The following AGBL4 variants were observed in gnomAD, a reference collection of about 807,000 sequenced individuals.
AGBL4 encodes AGBL carboxypeptidase 4.
A neutral mutation model predicts 66.4 loss-of-function variants in AGBL4; 58 were observed. The ratio of observed to expected loss-of-function variants is 0.87; its 90% confidence interval spans 0.71 to 1.09. The LOEUF (loss-of-function observed/expected upper bound fraction) is 1.09, where lower values mean the gene tolerates loss of function less well. AGBL4 is among the 50% of genes least tolerant of loss of function. The pLI, the probability that AGBL4 is intolerant of heterozygous loss-of-function variation, is 0.00. For missense variants in AGBL4, 579 were observed against 631.0 expected (o/e 0.92, Z 0.88); for synonymous variants, 234 against 222.9 (o/e 1.05, Z -0.44).
At chr1:49,561,112 T>C (rs116576970) in intron 3 of AGBL4, among the ~76,000 whole-genome samples, 54 of 152,092 alleles carry the variant, frequency 3.6e-4, no homozygotes, top group African/African-American at 1.2e-3. Flanking sequence ...AGCACAAAGA[T>C]TGAATGATGA....
intron 3 of AGBL4, among the ~76,000 whole-genome samples, chr1:49,255,110 T>C (rs1398302924): frequency 3.3e-5 from 5 of 152,064 alleles, no homozygotes; most frequent in Non-Finnish European, 7.4e-5. Context: ...CAGTCAAAGA[T>C]TTCATGACAA....
intron 1 of AGBL4, among the ~76,000 whole-genome samples, chr1:50,023,433 G>A (rs904711028): frequency 5.3e-5 from 8 of 152,204 alleles, no homozygotes; most frequent in Middle Eastern, 3.4e-3. Flanking sequence ...CCATGACACA[G>A]CCTAGCCCTA....
chr1:49,562,542 C>T (rs550957699), intron 3 of AGBL4, among the ~76,000 whole-genome samples: 2 of 152,200 alleles, frequency 1.3e-5, no homozygotes, highest in African/African-American at 4.8e-5. Flanking sequence ...GCCAGTTTTC[C>T]CAGCACCATT....
intron 3 of AGBL4, among the ~76,000 whole-genome samples, chr1:49,627,065 G>C (rs1440238628): frequency 6.6e-6 from 1 of 152,144 alleles, no homozygotes; most frequent in Non-Finnish European, 1.5e-5. Flanking sequence ...AATTGCCAAT[G>C]TTGGAAACAG....
chr1:49,586,235 G>T (rs1010919059), intron 3 of AGBL4, among the ~76,000 whole-genome samples: 1 of 152,108 alleles, frequency 6.6e-6, no homozygotes, highest in Non-Finnish European at 1.5e-5. Context: ...AGGAGACAGG[G>T]TTGGTAAGGA....
chr1:50,002,359 C>CTTTTTTTTTTTTT (rs372960346), intron 1 of AGBL4, among the ~76,000 whole-genome samples: 4 of 96,028 alleles, frequency 4.2e-5, no homozygotes, highest in African/African-American at 1.4e-4. Context: ...TGCCCTAGTT[C>CTTTTTTTTTTTTT]TTTTTTTTTT....
intron 4 of AGBL4, among the ~76,000 whole-genome samples, chr1:49,239,959 T>C (rs1234158913): frequency 6.6e-6 from 1 of 152,008 alleles, no homozygotes; most frequent in Non-Finnish European, 1.5e-5. Context: ...AATGTATGAC[T>C]TTTTTTAGCT....
chr1:49,971,906 G>GGTTTTTTTTTTT (rs1658126101), intron 1 of AGBL4, among the ~76,000 whole-genome samples: 1 of 43,442 alleles, frequency 2.3e-5, no homozygotes, highest in African/African-American at 7.3e-5. Context: ...GGTTTTTTTG[G>GGTTTTTTTTTTT]GTTTTTTTTT....
chr1:49,930,539 T>C (rs1227648432), intron 1 of AGBL4, among the ~76,000 whole-genome samples: 1 of 152,094 alleles, frequency 6.6e-6, no homozygotes, highest in Non-Finnish European at 1.5e-5. Context: ...AAATAAACTT[T>C]TCACAAATCA....
chr1:49,789,277 ATC>A, intron 2 of AGBL4, among the ~76,000 whole-genome samples: 1 of 152,254 alleles, frequency 6.6e-6, no homozygotes, highest in Admixed American at 6.5e-5. Context: ...ATCAATGTTC[ATC>A]AGGGATATTG....
chr1:48,541,100 A>G (rs923922224), intron 11 of AGBL4, among the ~76,000 whole-genome samples: 1 of 152,162 alleles, frequency 6.6e-6, no homozygotes, highest in Non-Finnish European at 1.5e-5. Context: ...CATTCCAGAA[A>G]CACTGAGCTT....
At chr1:49,231,319 T>C (rs1037086247) in intron 4 of AGBL4, among the ~76,000 whole-genome samples, 2 of 152,216 alleles carry the variant, frequency 1.3e-5, no homozygotes, top group African/African-American at 4.8e-5. Flanking sequence ...GGAAGGAGTT[T>C]GTCTTCTTCA....
chr1:49,104,476 T>C (rs1230541303), intron 4 of AGBL4, among the ~76,000 whole-genome samples: 2 of 152,198 alleles, frequency 1.3e-5, no homozygotes, highest in Non-Finnish European at 2.9e-5. Context: ...ATATTTATTC[T>C]CCTTTCCCCT....
At chr1:48,691,292 T>G (rs1442214755) in intron 6 of AGBL4, among the ~76,000 whole-genome samples, 3 of 151,986 alleles carry the variant, frequency 2.0e-5, no homozygotes, top group Non-Finnish European at 4.4e-5. Context: ...AGTTATATTT[T>G]TTTATAAGCC....
chr1:49,537,569 A>G (rs1424999805), intron 3 of AGBL4, among the ~76,000 whole-genome samples: 1 of 152,210 alleles, frequency 6.6e-6, no homozygotes, highest in Admixed American at 6.5e-5. Flanking sequence ...ATCACTAATC[A>G]TCAGAGAAAT....
At chr1:49,224,996 T>C (rs1436131883) in intron 4 of AGBL4, among the ~76,000 whole-genome samples, 1 of 152,160 alleles carries the variant, frequency 6.6e-6, no homozygotes, top group Non-Finnish European at 1.5e-5. Context: ...GTACATGTAA[T>C]AAAAGAGCAG....
chr1:48,708,523 G>A (rs1424096890), intron 6 of AGBL4, among the ~76,000 whole-genome samples: 1 of 152,182 alleles, frequency 6.6e-6, no homozygotes, highest in Non-Finnish European at 1.5e-5. Flanking sequence ...CCATGGTTGG[G>A]TGGGTTTCTA....
intron 3 of AGBL4, among the ~76,000 whole-genome samples, chr1:49,345,054 T>A (rs1645611489): frequency 6.6e-6 from 1 of 152,198 alleles, no homozygotes; most frequent in South Asian, 2.1e-4. Flanking sequence ...CTGACCTGAT[T>A]AATCCTTTTT....
intron 2 of AGBL4, among the ~76,000 whole-genome samples, chr1:49,745,176 A>T (rs1283152227): frequency 3.3e-5 from 5 of 152,138 alleles, no homozygotes; most frequent in African/African-American, 1.2e-4. Context: ...GCAGAGCTCA[A>T]GTAAAAAATG....
Sources: gnomAD v4.1 joint callset for allele counts (sites outside exome capture counted in the v4.1 genomes callset) on GRCh38, gnomAD v4.1.1 for gene constraint, MANE v1.5 for transcripts, NCBI Gene and HGNC (gene_info 2026-07-23, HGNC 2026-07-21) for gene names.